The following SLC35D4 variants were observed in gnomAD, a reference collection of about 807,000 sequenced individuals.
The protein encoded by SLC35D4 is solute carrier family 35 member D4, also known as UDP-N-acetylglucosamine transporter SLC35D4.
the SLC35D4 span, chr18:23,258,066 A>G: frequency 6.6e-6 from 1 of 152,214 alleles, no homozygotes; most frequent in East Asian, 1.9e-4. Flanking sequence ...TTAGAAAATG[A>G]CTGACATTGT....
the SLC35D4 span, among the ~76,000 whole-genome samples, chr18:23,391,738 T>C: frequency 6.6e-6 from 1 of 152,196 alleles, no homozygotes; most frequent in African/African-American, 2.4e-5. Context: ...TTCTCCTGTC[T>C]CAGCCTCCTA....
the SLC35D4 span, among the ~76,000 whole-genome samples, chr18:23,365,042 C>A: frequency 6.8e-6 from 1 of 147,498 alleles, no homozygotes; most frequent in African/African-American, 2.5e-5. Context: ...TTGCAAAATT[C>A]AAACAAGAAT....
the SLC35D4 span, among the ~76,000 whole-genome samples, chr18:23,250,524 G>A: frequency 6.6e-6 from 1 of 152,202 alleles, no homozygotes; most frequent in East Asian, 1.9e-4. Context: ...GGAGACATTT[G>A]TTGGAGATGA....
chr18:23,414,893 G>C, the SLC35D4 span, among the ~76,000 whole-genome samples: 8 of 152,212 alleles, frequency 5.3e-5, no homozygotes, highest in East Asian at 1.5e-3. Context: ...CAGGAGGACT[G>C]CTTGAGGCCA....
chr18:23,308,227 C>T, the SLC35D4 span, among the ~76,000 whole-genome samples: 11 of 152,120 alleles, frequency 7.2e-5, no homozygotes, highest in Admixed American at 1.3e-4. Flanking sequence ...GCATCCGGGC[C>T]GAAGTGACAG....
the SLC35D4 span, among the ~76,000 whole-genome samples, chr18:23,300,931 G>A: frequency 7.2e-5 from 11 of 152,320 alleles, no homozygotes; most frequent in South Asian, 2.3e-3. Flanking sequence ...TATTATTGTG[G>A]CTATTCAATT....
chr18:23,282,529 A>C, the SLC35D4 span, among the ~76,000 whole-genome samples: 1 of 152,210 alleles, frequency 6.6e-6, no homozygotes, highest in African/African-American at 2.4e-5. Context: ...TGGCCTCCCC[A>C]GTGGTTTGCT....
chr18:23,248,538 T>TTTTTTTTTTA, the SLC35D4 span, among the ~76,000 whole-genome samples: 15 of 93,610 alleles, frequency 1.6e-4, no homozygotes, highest in Admixed American at 5.0e-4. Context: ...TTTTTTTTTT[T>TTTTTTTTTTA]AAAAAAAGGC....
chr18:23,414,812 A>G, the SLC35D4 span, among the ~76,000 whole-genome samples: 1 of 151,700 alleles, frequency 6.6e-6, no homozygotes, highest in Non-Finnish European at 1.5e-5. Flanking sequence ...CCTGTCTCTA[A>G]AATAAATAAA....
the SLC35D4 span, among the ~76,000 whole-genome samples, chr18:23,391,470 C>T: frequency 6.6e-6 from 1 of 152,104 alleles, no homozygotes; most frequent in Non-Finnish European, 1.5e-5. Flanking sequence ...ACCCAGCCTA[C>T]CCTTTATGAG....
the SLC35D4 span, among the ~76,000 whole-genome samples, chr18:23,312,875 C>T: frequency 6.6e-6 from 1 of 151,998 alleles, no homozygotes; most frequent in Non-Finnish European, 1.5e-5. Flanking sequence ...TGCCTGTAAT[C>T]CCAGCACTTT....
At chr18:23,396,188 A>G in the SLC35D4 span, among the ~76,000 whole-genome samples, 1 of 152,204 alleles carries the variant, frequency 6.6e-6, no homozygotes, top group East Asian at 1.9e-4. Flanking sequence ...GCTTCCTCCC[A>G]GAAGCTACAG....
the SLC35D4 span, among the ~76,000 whole-genome samples, chr18:23,328,137 C>T: frequency 6.6e-6 from 1 of 152,172 alleles, no homozygotes; most frequent in Non-Finnish European, 1.5e-5. Flanking sequence ...CCTTTGAAAA[C>T]TGGCACAAGA....
the SLC35D4 span, among the ~76,000 whole-genome samples, chr18:23,429,956 C>T: frequency 1.4e-4 from 21 of 152,152 alleles, no homozygotes; most frequent in African/African-American, 5.1e-4. Flanking sequence ...ATTCTGTAGG[C>T]TGTCTGTTTA....
chr18:23,320,273 G>A, the SLC35D4 span, among the ~76,000 whole-genome samples: 34 of 151,680 alleles, frequency 2.2e-4, no homozygotes, highest in African/African-American at 6.3e-4. Flanking sequence ...CTGCTACATC[G>A]TGCCCAGTGG....
At chr18:23,437,921 C>CGCAGCA in the SLC35D4 span, 9 of 1,526,436 alleles carry the variant, frequency 5.9e-6, no homozygotes, top group East Asian at 1.7e-4. Flanking sequence ...GCCCGACCCC[C>CGCAGCA]GCAGCAGCAG....
At chr18:23,349,370 C>T in the SLC35D4 span, among the ~76,000 whole-genome samples, 79,103 of 152,136 alleles carry the variant, frequency 0.52, 20,743 homozygotes, top group South Asian at 0.59. Flanking sequence ...CGGGGGCTCA[C>T]GCCTGTAACC....
At chr18:23,275,618 T>TGCTGTGCC in the SLC35D4 span, among the ~76,000 whole-genome samples, 1 of 135,918 alleles carries the variant, frequency 7.4e-6, no homozygotes, top group African/African-American at 3.0e-5. Flanking sequence ...TGTGCTGTGC[T>TGCTGTGCC]GTGCTGTGCT....
At chr18:23,244,704 T>C in the SLC35D4 span, among the ~76,000 whole-genome samples, 39 of 152,222 alleles carry the variant, frequency 2.6e-4, no homozygotes, top group Non-Finnish European at 4.8e-4. Flanking sequence ...TGGAAGGAGC[T>C]GTGTGGCTCA....
Sources: gnomAD v4.1 joint callset for allele counts (sites outside exome capture counted in the v4.1 genomes callset) on GRCh38, gnomAD v4.1.1 for gene constraint, MANE v1.5 for transcripts, NCBI Gene and HGNC (gene_info 2026-07-23, HGNC 2026-07-21) for gene names.